MCM3: variants seen among roughly 807,000 people sequenced by gnomAD.
The protein encoded by MCM3 is minichromosome maintenance complex component 3.
In MCM3, 59 loss-of-function variants were observed where a neutral mutation model predicts 91.3. The observed-to-expected ratio is 0.65, with a 90% CI of 0.52 to 0.80. The LOEUF is 0.80. Among genes scored for constraint, MCM3 ranks in the 30% least tolerant of loss-of-function variants. The probability of loss-of-function intolerance (pLI) is 0.00; values close to 1 mark genes in which losing one functional copy is unlikely to be tolerated. For synonymous variants in MCM3, 383 were observed against 379.6 expected, an observed-to-expected ratio of 1.01 and a Z score of -0.10; for missense variants, 919 against 1,035.4, an observed-to-expected ratio of 0.89 and a Z score of 1.54.
intron 6 of MCM3, among the ~76,000 whole-genome samples, chr6:52,278,316 C>G (rs1233641903): frequency 6.6e-6 from 1 of 152,070 alleles, no homozygotes; most frequent in African/African-American, 2.4e-5. Context: ...GAACAGTAAC[C>G]TTTATCATCA....
rs571410078 is a variant in MCM3, at chr6:52,276,252, G to A, written c.1374+16C>T. ...AATGAAGGTGAGGACAATGGTTGGGGCCTGATTCCACTTACCCTGCCGTAG... is the reference window on the plus strand; with the variant it reads ...AATGAAGGTGAGGACAATGGTTGGGACCTGATTCCACTTACCCTGCCGTAG... On this transcript the variant is annotated intron_variant, in intron 9 of 16. Transcript: ENST00000596288. 1 of 1,600,310 alleles carries A rather than the reference G, an allele frequency of 6.2e-7. No individual in the cohort carries two copies. The highest frequency in any genetic ancestry group is 2.3e-5 in the East Asian group (1 of 44,418).
Position 52,272,413 on chromosome 6 carries a change from A to G in MCM3, c.1715T>C (p.Ile572Thr). The G allele has an allele frequency of 6.2e-7, 1 of 1,614,090 alleles. No homozygotes were observed. The highest frequency in any genetic ancestry group is 8.5e-7 in the Non-Finnish European group (1 of 1,180,008). ...MVSAAFMKKY[I>T]HVAKIIKPVL... ...AGGCTTGATGATTTTGGCCACATGG[A>G]TGTACTTCTTCATGAATGCTGCACT... The change falls in exon 12 of 17, where the codon ATC becomes ACC. Residue 572 changes from isoleucine (I) to threonine (T), a missense_variant. By Grantham distance (89) the Ile-to-Thr change is moderately conservative. This residue lies in a region of MCM3 where 285 missense variants were observed against 311.4 expected (regional missense o/e 0.92). Transcript: ENST00000596288.
At chr6:52,280,938 T>C (rs1051469924) in intron 4 of MCM3, among the ~76,000 whole-genome samples, 2 of 152,266 alleles carry the variant, frequency 1.3e-5, no homozygotes, top group African/African-American at 2.4e-5. Context: ...TTTTTGTTTA[T>C]GTTTCATTTC....
chr6:52,271,667 CAAAAA>C (rs899997716), intron 12 of MCM3, among the ~76,000 whole-genome samples: 1 of 151,624 alleles, frequency 6.6e-6, no homozygotes, highest in African/African-American at 2.4e-5. Context: ...AAAAACAAAA[CAAAAA>C]AAAGATTTAG....
At chr6:52,278,556 A>G (rs1434519465) in intron 6 of MCM3, among the ~76,000 whole-genome samples, 186 bp downstream of exon 6, 1 of 152,214 alleles carries the variant, frequency 6.6e-6, no homozygotes, top group Non-Finnish European at 1.5e-5. Context: ...AAATTGTTTA[A>G]TAACAACAGA....
At chr6:52,277,929 G>A (rs777995155) in intron 6 of MCM3, among the ~76,000 whole-genome samples, 2 of 151,666 alleles carry the variant, frequency 1.3e-5, no homozygotes, top group Non-Finnish European at 1.5e-5. Flanking sequence ...TTAGCCAGGC[G>A]TGGTGGTGTG....
Position 52,284,698 on chromosome 6 carries a change from C to A in MCM3, c.-24G>T. 1 of 1,599,000 alleles carries A rather than the reference C, an allele frequency of 6.3e-7. No homozygotes were observed. The highest frequency in any genetic ancestry group is 2.3e-5 in the East Asian group (1 of 44,196). On this transcript the variant is annotated 5_prime_UTR_variant, in exon 1 of 17. Coordinates refer to ENST00000596288, the MANE Select transcript of MCM3 (RefSeq NM_002388.6). ...ATGCCCGCTGCCAAAGAACTACCTC[C>A]ACCAAAGTCGCGTGGAGGTTCCCAG...
intron 13 of MCM3, 139 bp downstream of exon 13, chr6:52,268,947 G>T: frequency 1.2e-6 from 1 of 864,320 alleles, no homozygotes; most frequent in Non-Finnish European, 1.8e-6. Flanking sequence ...GAAAGAGTGA[G>T]GCAGACTGAT....
At chr6:52,267,723 G>T (rs1183312627) in intron 14 of MCM3, 142 bp downstream of exon 14, 3 of 641,888 alleles carry the variant, frequency 4.7e-6, no homozygotes, top group Non-Finnish European at 8.6e-6. Flanking sequence ...AGACAGTTTT[G>T]CCATATTTCC....
At chr6:52,265,776 G>A (rs542296140) in intron 16 of MCM3, among the ~76,000 whole-genome samples, 33 of 152,130 alleles carry the variant, frequency 2.2e-4, no homozygotes, top group African/African-American at 7.5e-4. Flanking sequence ...TGAGGTTACA[G>A]TAAGACATTA....
At chr6:52,270,845 T>G (rs2128277579) in intron 12 of MCM3, among the ~76,000 whole-genome samples, 1 of 152,276 alleles carries the variant, frequency 6.6e-6, no homozygotes, top group African/African-American at 2.4e-5. Flanking sequence ...CAGGTAAAAG[T>G]TGTGGGAAAA....
rs749329544 is a variant in MCM3, at chr6:52,278,855, G to C, written c.771-5C>G. 6.3e-7 allele frequency: 1 copy of C among 1,597,032 alleles called. No homozygotes were observed. The highest frequency in any genetic ancestry group is 1.1e-5 in the South Asian group (1 of 89,750). Reference sequence around the variant, plus strand: ...TTACAGGCAATCAGGACAGTCCTGGGACAAACAGAATAAAGAGGAAACCCG... The same window carrying C: ...TTACAGGCAATCAGGACAGTCCTGGCACAAACAGAATAAAGAGGAAACCCG... On this transcript the variant is annotated splice_polypyrimidine_tract_variant and splice_region_variant and intron_variant, in intron 5 of 16. Transcript: ENST00000596288.
chr6:52,266,741 A>G (rs751083636), intron 14 of MCM3, 45 bp from the exon 15 acceptor site: 1 of 1,493,856 alleles, frequency 6.7e-7, no homozygotes, highest in South Asian at 1.1e-5. Flanking sequence ...GTTTGGAGAC[A>G]GAAAGGCAAG....
intron 12 of MCM3, among the ~76,000 whole-genome samples, chr6:52,270,966 A>G (rs1469375494): frequency 6.6e-6 from 1 of 152,210 alleles, no homozygotes; most frequent in Non-Finnish European, 1.5e-5. Flanking sequence ...TAATCCCAGC[A>G]CTTTGGAAGG....
In MCM3 at chr6:52,273,661, C is replaced by T. The variant is rs895071984; in HGVS notation, c.1549+81G>A. On this transcript the variant is annotated intron_variant, in intron 10 of 16. Transcript: ENST00000596288. ...TCAACCCGGACACTGAAACACCTAC[C>T]ACCACCTGGGTTGGGCCTGAGAAAC... The T allele has an allele frequency of 6.0e-5, 86 of 1,427,238 alleles. No homozygotes were observed. In the African/African-American group the frequency reaches 7.9e-4, roughly 13 times the overall value. The allele number at this position is 1,427,238 out of a possible 1,614,324, so 88.4% of individuals were successfully genotyped here.
Position 52,284,724 on chromosome 6 carries a change from G to T in MCM3, c.-50C>A, listed in dbSNP as rs754693352. ...ACCAAAGTCGCGTGGAGGTTCCCAG[G>T]ATGACTCCACCCCGGCGCGAAAACT... On this transcript the variant is annotated 5_prime_UTR_variant, in exon 1 of 17. Transcript: ENST00000596288. 6.4e-7 allele frequency: 1 copy of T among 1,573,036 alleles called. No homozygotes were observed. Among genetic ancestry groups the T allele is most frequent in the South Asian group, 1.2e-5 (1 of 86,380 alleles).
Position 52,279,451 on chromosome 6 carries a change from T to C in MCM3, c.680A>G (p.Asp227Gly). 2 of 1,614,176 alleles carry C rather than the reference T, an allele frequency of 1.2e-6. No homozygotes were observed. The highest frequency in any genetic ancestry group is 8.5e-7 in the Non-Finnish European group (1 of 1,180,036). ...VDVILDDDLVDKAKPGDRVQV... is the reference protein window; with the variant it reads ...VDVILDDDLVGKAKPGDRVQV... ...AACCCGGTCACCAGGCTTCGCTTTA[T>C]CCACCAAGTCATCATCCAGAATGAC... Residue 227 changes from aspartate (D) to glycine (G), a missense_variant, in exon 5 of 17, where the codon GAT becomes GGT. By Grantham distance (94) the Asp-to-Gly change is moderately conservative (BLOSUM62 -1). Around this residue, in one of 3 missense-constraint regions of MCM3, gnomAD observed 401 missense variants for 402.7 expected, o/e 1.00. Transcript: ENST00000596288.
intron 12 of MCM3, among the ~76,000 whole-genome samples, chr6:52,270,328 CAAAAA>C (rs35565084): frequency 1.9e-5 from 2 of 103,460 alleles, no homozygotes; most frequent in Non-Finnish European, 2.0e-5. Context: ...GATTCCATCT[CAAAAA>C]AAAAAAAAAA....
chr6:52,283,321 C>A lies in MCM3; in HGVS notation c.164G>T (p.Arg55Leu), dbSNP rs750663816. Residue 55 changes from arginine to leucine, a missense_variant, in exon 2 of 17, where the codon CGC (arginine) becomes CTC (leucine). Transcript: ENST00000596288. Reference protein sequence around the residue: ...YRLIVNVNDLRRKNEKRANRL... With the variant: ...YRLIVNVNDLLRKNEKRANRL... ...GTTAGCCCTCTTCTCGTTTTTCCTG[C>A]GCAGGTCATTCACATTGACAATCAG... is the stretch of plus-strand genomic sequence containing the variant. 4.3e-6 allele frequency: 7 copies of A among 1,614,112 alleles called. No homozygotes were observed. The highest frequency in any genetic ancestry group is 5.9e-6 in the Non-Finnish European group (7 of 1,180,004).
Sources: gnomAD v4.1 joint callset for allele counts (sites outside exome capture counted in the v4.1 genomes callset) on GRCh38, gnomAD v4.1.1 for gene constraint, gnomAD v4.1.1 regional missense constraint, MANE v1.5 for transcripts, NCBI Gene and HGNC (gene_info 2026-07-23, HGNC 2026-07-21) for gene names.